The following CFAP299 variants were observed in gnomAD, a reference collection of about 807,000 sequenced individuals.
CFAP299 encodes the protein cilia and flagella associated protein 299, also known as cilia- and flagella-associated protein 299.
Under a neutral mutation model 27.0 loss-of-function variants are expected in CFAP299, and 21 were observed. The ratio of observed to expected loss-of-function variants is 0.78; its 90% CI spans 0.55 to 1.12. CFAP299 has a LOEUF of 1.12. CFAP299 is among the 50% of genes most tolerant of loss of function. CFAP299 has a pLI of 0.00. For synonymous variants in CFAP299, 104 were observed against 98.1 expected (o/e 1.06, Z -0.36); for missense variants, 310 against 276.6 (o/e 1.12, Z -0.86).
intron 3 of CFAP299, among the ~76,000 whole-genome samples, chr4:80,614,530 C>A (rs1233852008): frequency 6.6e-6 from 1 of 152,220 alleles, no homozygotes; most frequent in Non-Finnish European, 1.5e-5. Flanking sequence ...AGCAGGCACT[C>A]TGCGGGGGCA....
At chr4:80,335,961 C>G (rs1421253643) in intron 1 of CFAP299, 82 bp downstream of exon 1, 29 of 896,700 alleles carry the variant, frequency 3.2e-5, no homozygotes, top group Non-Finnish European at 5.4e-5. Flanking sequence ...GGCTGGTCGC[C>G]CCCTGGCGCT....
chr4:80,349,874 T>C (rs1722934316), intron 1 of CFAP299, among the ~76,000 whole-genome samples: 1 of 152,222 alleles, frequency 6.6e-6, no homozygotes, highest in Non-Finnish European at 1.5e-5. Flanking sequence ...AGTCTAGCAG[T>C]GCAGTGCTGC....
chr4:80,828,754 C>T lies in CFAP299; in HGVS notation c.334-41239C>T, dbSNP rs933840483. ...CCTGAAAAACCATGAGCCAATTAAA[C>T]ATCTTTTCTTTATAAATTACCCAGT... On this transcript the variant is annotated intron_variant, in intron 3 of 5. Transcript: ENST00000358105. 5.5e-4 allele frequency among the ~76,000 whole-genome samples: 83 copies of T among 152,056 alleles called. 1 individual carries two copies. The highest frequency in any genetic ancestry group is 1.5e-4 in the Non-Finnish European group (10 of 67,996).
intron 3 of CFAP299, among the ~76,000 whole-genome samples, chr4:80,629,273 A>C (rs1739082159): frequency 6.6e-6 from 1 of 152,172 alleles, no homozygotes; most frequent in Non-Finnish European, 1.5e-5. Flanking sequence ...AACTCACAGA[A>C]GTAGAAAGTA....
chr4:80,859,073 G>A (rs1732133882), intron 3 of CFAP299, among the ~76,000 whole-genome samples: 1 of 152,154 alleles, frequency 6.6e-6, no homozygotes, highest in African/African-American at 2.4e-5. Context: ...CTCAGGAGTT[G>A]CTTTGTGAAT....
At chr4:80,590,676 A>G (rs1736689304) in intron 3 of CFAP299, among the ~76,000 whole-genome samples, 1 of 152,162 alleles carries the variant, frequency 6.6e-6, no homozygotes, top group Non-Finnish European at 1.5e-5. Context: ...CATCCTTAAT[A>G]ACTTATTATT....
chr4:80,804,762 C>A (rs1254380521), intron 3 of CFAP299, among the ~76,000 whole-genome samples: 1 of 152,008 alleles, frequency 6.6e-6, no homozygotes, highest in Non-Finnish European at 1.5e-5. Flanking sequence ...CTATTTGTGT[C>A]TTCGGATCTA....
chr4:80,720,193 C>A (rs901231612), intron 3 of CFAP299, among the ~76,000 whole-genome samples: 2 of 151,454 alleles, frequency 1.3e-5, no homozygotes, highest in African/African-American at 4.8e-5. Flanking sequence ...CTAAAGAGGA[C>A]CCCCCCTCAA....
intron 3 of CFAP299, among the ~76,000 whole-genome samples, chr4:80,833,924 G>C (rs71596035): frequency 0.11 from 17,249 of 152,206 alleles, 1,224 homozygotes; most frequent in Middle Eastern, 0.2. Flanking sequence ...AGAAATGGAA[G>C]CTAAAGAGAC....
At position 80,556,296 on chromosome 4, in the gene CFAP299, T is replaced by G. The variant is rs542326318; in HGVS notation, c.243-26797T>G. Among the ~76,000 whole-genome samples, 41 of 152,142 alleles carry G rather than the reference T, an allele frequency of 2.7e-4. No homozygotes were observed. The South Asian group carries it at 8.5e-3, about 32-fold the overall frequency. On this transcript the variant is annotated intron_variant, in intron 2 of 5. Coordinates refer to ENST00000358105, the MANE Select transcript of CFAP299 (RefSeq NM_152770.3). ...GAACTGTAGCTGATTATAAGTCTCT[T>G]TTTTGAGAAGGATCAAAGAAAAACA...
At chr4:80,893,661 A>G (rs1055575500) in intron 4 of CFAP299, among the ~76,000 whole-genome samples, 1 of 147,144 alleles carries the variant, frequency 6.8e-6, no homozygotes, top group African/African-American at 2.6e-5. Context: ...AAATGAATAC[A>G]TGCAAAAAAA....
chr4:80,426,985 A>G (rs1055520775), intron 2 of CFAP299, among the ~76,000 whole-genome samples: 8 of 152,166 alleles, frequency 5.3e-5, no homozygotes, highest in Non-Finnish European at 8.8e-5. Flanking sequence ...TAAAATGTAG[A>G]TCTATAGGCT....
At chr4:80,694,465 G>T (rs1302950720) in intron 3 of CFAP299, among the ~76,000 whole-genome samples, 3 of 152,128 alleles carry the variant, frequency 2.0e-5, no homozygotes, top group African/African-American at 7.2e-5. Context: ...TCTCAACTTT[G>T]ATGACTAACA....
At chr4:80,824,713 CATGAAG>C (rs1350860968) in intron 3 of CFAP299, among the ~76,000 whole-genome samples, 1 of 151,944 alleles carries the variant, frequency 6.6e-6, no homozygotes, top group Non-Finnish European at 1.5e-5. Flanking sequence ...TCAGGCATGA[CATGAAG>C]ATGAAGACAT....
intron 3 of CFAP299, among the ~76,000 whole-genome samples, chr4:80,821,740 G>T (rs1729718242): frequency 6.6e-6 from 1 of 152,136 alleles, no homozygotes; most frequent in Non-Finnish European, 1.5e-5. Flanking sequence ...ATGGCCGGCT[G>T]GGCCTCCCTG....
rs188922560 is a variant in CFAP299 at position 80,879,193 on chromosome 4, T to G, written c.476+9058T>G. 3.8e-3 allele frequency among the ~76,000 whole-genome samples: 577 copies of G among 152,268 alleles called. 1 individual carries two copies. The highest frequency in any genetic ancestry group is 0.017 in the Middle Eastern group (5 of 294). On this transcript the variant is annotated intron_variant, in intron 4 of 5. Transcript: ENST00000358105. ...GGCATCAGGAAATATCAGTTCCTAT[T>G]CTTGGAGTACATGTAACTCAGTATA...
At chr4:80,810,337 GC>G (rs1201159014) in intron 3 of CFAP299, among the ~76,000 whole-genome samples, 1 of 148,600 alleles carries the variant, frequency 6.7e-6, no homozygotes, top group Non-Finnish European at 1.5e-5. Context: ...TGAATAATGT[GC>G]CCCCCAACCC....
At chr4:80,457,384 G>C (rs1333099625) in intron 2 of CFAP299, among the ~76,000 whole-genome samples, 3 of 152,178 alleles carry the variant, frequency 2.0e-5, no homozygotes, top group African/African-American at 7.2e-5. Flanking sequence ...ATCATGTTAT[G>C]TTATGGAGGG....
At chr4:80,644,341 A>G (rs910088540) in intron 3 of CFAP299, among the ~76,000 whole-genome samples, 70 of 152,170 alleles carry the variant, frequency 4.6e-4, no homozygotes, top group African/African-American at 1.7e-3. Flanking sequence ...AGATCTTTTC[A>G]TTGTTTTATT....
Sources: gnomAD v4.1 joint callset for allele counts (sites outside exome capture counted in the v4.1 genomes callset) on GRCh38, gnomAD v4.1.1 for gene constraint, MANE v1.5 for transcripts, NCBI Gene and HGNC (gene_info 2026-07-23, HGNC 2026-07-21) for gene names.